CA5A: variants seen among roughly 807,000 people sequenced by gnomAD.
CA5A encodes the protein carbonic anhydrase 5A, mitochondrial.
Under a neutral mutation model 37.1 loss-of-function variants are expected in CA5A, and 28 were observed. The observed-to-expected ratio is 0.75, with a 90% CI of 0.56 to 1.03. The LOEUF (loss-of-function observed/expected upper bound fraction) is 1.03. Among genes scored for constraint, CA5A ranks in the 50% least tolerant of loss-of-function variants. The pLI is 0.00. For synonymous variants in CA5A, 171 were observed against 158.4 expected, an observed-to-expected ratio of 1.08 and a Z score of -0.60; for missense variants, 444 against 399.9, an observed-to-expected ratio of 1.11 and a Z score of -0.94.
chr16:87,882,148 G>T (rs1262256262), intron 4 of CA5A: 1 of 152,188 alleles, frequency 6.6e-6, no homozygotes, highest in Admixed American at 6.6e-5. Context: ...CAAGCCCCAG[G>T]TTCAGAGACC....
chr16:87,936,521 A>G lies in CA5A; in HGVS notation c.-71T>C. The G allele has an allele frequency of 6.3e-7, 1 of 1,592,712 alleles. No individual in the cohort carries two copies. The highest frequency in any genetic ancestry group is 8.6e-7 in the Non-Finnish European group (1 of 1,168,424). ...CCTGCTGTCTGTTCTCACTTTGATC[A>G]GGACCACTGTGGACTGGCGTGTACC... On this transcript the variant is annotated 5_prime_UTR_variant, in exon 1 of 7. Coordinates refer to ENST00000649794, the MANE Select transcript of CA5A (RefSeq NM_001739.2).
In CA5A at chr16:87,913,305, C is replaced by CTTTT. The variant is rs56257660; in HGVS notation, c.341-8405_341-8402dup. ...ATCAACAGGTTTTGAATGTTCCAGT[C>CTTTT]TTTTTTTTTTTTTTGAGTCAGGGGT... On this transcript the variant is annotated intron_variant, in intron 2 of 6. Transcript: ENST00000649794. Among the ~76,000 whole-genome samples, 128 of 133,324 alleles carry CTTTT rather than the reference C, an allele frequency of 9.6e-4. 3 individuals carry two copies. The East Asian group carries it at 0.014, about 15-fold the overall frequency. The allele number at this position is 133,324 out of a possible 152,430, so 87.5% of individuals were successfully genotyped here. A position where few individuals can be genotyped will look rare whatever the true frequency, so the allele number is the denominator to read the frequency against.
At chr16:87,919,496 T>A (rs534977457) in intron 2 of CA5A, among the ~76,000 whole-genome samples, 80 of 152,226 alleles carry the variant, frequency 5.3e-4, no homozygotes, top group South Asian at 1.5e-3. Flanking sequence ...GGCGGCCACC[T>A]TCGCCCCATC....
intron 5 of CA5A, among the ~76,000 whole-genome samples, chr16:87,897,100 C>T (rs1307357418): frequency 6.6e-6 from 1 of 152,252 alleles, no homozygotes; most frequent in Admixed American, 6.5e-5. Flanking sequence ...GTGCCTGCCA[C>T]GTGGGCGTGG....
chr16:87,920,880 A>G (rs1010802267), intron 2 of CA5A, among the ~76,000 whole-genome samples: 1 of 151,664 alleles, frequency 6.6e-6, no homozygotes, highest in Non-Finnish European at 1.5e-5. Context: ...CGCAACCTCC[A>G]CCTACCAGGT....
chr16:87,915,525 A>ATTTTTTTTTTTTTTTTTTTT (rs1162468866), intron 2 of CA5A, among the ~76,000 whole-genome samples: 1 of 107,128 alleles, frequency 9.3e-6, no homozygotes. Context: ...CCTGTGTCAA[A>ATTTTTTTTTTTTTTTTTTTT]ATTTTTTTTT....
chr16:87,902,021 G>C lies in CA5A; in HGVS notation c.556-47C>G, dbSNP rs547116284. On this transcript the variant is annotated intron_variant, in intron 4 of 6. Coordinates refer to ENST00000649794, the MANE Select transcript of CA5A (RefSeq NM_001739.2). ...GGTTAGCTGCAAAGGCAGTGGATGG[G>C]GGGGGAAGCTCACTCCACTGTAAAT... is the stretch of plus-strand genomic sequence containing the variant. The C allele has an allele frequency of 2.7e-4, 408 of 1,532,244 alleles. 3 individuals are homozygous for C. The East Asian group carries it at 7.0e-3, about 26-fold the overall frequency. The allele number at this position is 1,532,244 out of a possible 1,614,324, so 94.9% of individuals were successfully genotyped here.
At chr16:87,922,180 G>A (rs2056239819) in intron 2 of CA5A, among the ~76,000 whole-genome samples, 1 of 152,156 alleles carries the variant, frequency 6.6e-6, no homozygotes, top group Admixed American at 6.5e-5. Flanking sequence ...GTGCACACTG[G>A]TGTGTGAGAA....
chr16:87,926,776 C>T lies in CA5A; in HGVS notation c.312G>A (p.Val104=). Residue 104 remains valine (V), a synonymous_variant, in exon 2 of 7, where the codon GTG becomes GTA. Transcript: ENST00000649794. The part of the protein sequence containing the change: ...YIWNTGYLFQ[V]EFDDATEASG... ...ATGCCTCGGTGGCATCGTCAAATTCCACCTGGAAGAGGTAGCCAGTGTTCC... is the reference window on the plus strand; with the variant it reads ...ATGCCTCGGTGGCATCGTCAAATTCTACCTGGAAGAGGTAGCCAGTGTTCC... 1 of 1,613,962 alleles carries T rather than the reference C, an allele frequency of 6.2e-7. No homozygotes were observed. Among genetic ancestry groups the T allele is most frequent in the Non-Finnish European group, 8.5e-7 (1 of 1,179,868 alleles).
chr16:87,887,210 G>C (rs7189771), downstream of CA5A: 26,393 of 151,380 alleles, frequency 0.17, 2,442 homozygotes, highest in South Asian at 0.26. Flanking sequence ...GCCTACTACA[G>C]CTTTTGAAGT....
rs567849709 is a variant in CA5A, at chr16:87,927,035, C to T, written c.143-90G>A. 301 of 900,214 alleles carry T rather than the reference C, an allele frequency of 3.3e-4. 1 individual carries two copies. The African/African-American group carries it at 4.1e-3, about 12-fold the overall frequency. 55.8% of individuals were successfully genotyped at this position (900,214 alleles called of 1,614,324 possible). A position where few individuals can be genotyped will look rare whatever the true frequency, so the allele number is the denominator to read the frequency against. On this transcript the variant is annotated intron_variant, in intron 1 of 6. Transcript: ENST00000649794. ...GGGCAGAAACCCGGCCGCACGAGAC[C>T]CCTCACGTCCTGGCTCATGGGAAAC...
At chr16:87,908,026 C>T (rs1217492161) in intron 2 of CA5A, among the ~76,000 whole-genome samples, 6 of 152,212 alleles carry the variant, frequency 3.9e-5, no homozygotes, top group South Asian at 2.1e-4. Context: ...AGGCACACAA[C>T]GAACCCTCAT....
rs767556079 is a variant in CA5A, at chr16:87,888,201, G to A, written c.846C>T (p.Arg282=). 5.0e-6 allele frequency: 8 copies of A among 1,613,942 alleles called. No homozygotes were observed. Among genetic ancestry groups the A allele is most frequent in the African/African-American group, 1.3e-5 (1 of 75,020 alleles). ...EEEKMMVNNY[R]PLQPLMNRKV... ...TCCGGTTCATCAAGGGTTGAAGTGG[G>A]CGATAGTTGTTCACCATCATCTTCT... The change falls in exon 7 of 7, where the codon CGC becomes CGT. Residue 282 remains arginine (R), a synonymous_variant. Transcript: ENST00000649794.
chr16:87,927,208 A>T (rs930916861), intron 1 of CA5A, among the ~76,000 whole-genome samples: 3 of 152,104 alleles, frequency 2.0e-5, no homozygotes, highest in African/African-American at 7.3e-5. Context: ...ACCTGTGTTG[A>T]TGGGTTTTTG....
At chr16:87,922,624 G>A (rs2056246479) in intron 2 of CA5A, among the ~76,000 whole-genome samples, 1 of 152,174 alleles carries the variant, frequency 6.6e-6, no homozygotes, top group South Asian at 2.1e-4. Flanking sequence ...CGACCTCAAG[G>A]CCCACTGGAC....
intron 2 of CA5A, among the ~76,000 whole-genome samples, chr16:87,914,964 C>T (rs975572609): frequency 5.9e-5 from 9 of 152,212 alleles, no homozygotes; most frequent in African/African-American, 1.4e-4. Context: ...CTAAGGAAAA[C>T]GCCGGGCACC....
intron 3 of CA5A, among the ~76,000 whole-genome samples, chr16:87,902,903 C>T (rs910507830): frequency 6.8e-6 from 1 of 147,088 alleles, no homozygotes; most frequent in Non-Finnish European, 1.5e-5. Context: ...CAGAGCGAGA[C>T]TCCATCTCAC....
chr16:87,888,438 AG>A (rs1235805355), intron 6 of CA5A, among the ~76,000 whole-genome samples, 166 bp from the exon 7 acceptor site: 4 of 152,128 alleles, frequency 2.6e-5, no homozygotes, highest in African/African-American at 9.7e-5. Context: ...AGATTATAAA[AG>A]GCATTGCCGC....
chr16:87,904,123 C>T (rs1383694839), intron 3 of CA5A, among the ~76,000 whole-genome samples: 3 of 152,072 alleles, frequency 2.0e-5, no homozygotes, highest in African/African-American at 7.2e-5. Context: ...GGGTGGATCA[C>T]TTGAGGTCAG....
Sources: gnomAD v4.1 joint callset for allele counts (sites outside exome capture counted in the v4.1 genomes callset) on GRCh38, gnomAD v4.1.1 for gene constraint, MANE v1.5 for transcripts, NCBI Gene and HGNC (gene_info 2026-07-23, HGNC 2026-07-21) for gene names.